PPARD: variants seen among roughly 807,000 people sequenced by gnomAD.
The protein encoded by PPARD is peroxisome proliferator activated receptor delta, also known as peroxisome proliferator-activated receptor delta.
A neutral mutation model predicts 39.5 loss-of-function variants in PPARD; 6 were observed. The observed-to-expected ratio is 0.15, with a 90% CI of 0.08 to 0.30. The LOEUF is 0.30. Ranked by LOEUF, PPARD falls within the 10% of genes least tolerant of loss-of-function variation. PPARD has a pLI of 1.00. For synonymous variants in PPARD, 210 were observed against 231.3 expected (o/e 0.91, Z 0.83); for missense variants, 397 against 596.8 (o/e 0.67, Z 3.49).
At chr6:35,422,577 A>G (rs568966674) in intron 5 of PPARD, among the ~76,000 whole-genome samples, 1 of 152,310 alleles carries the variant, frequency 6.6e-6, no homozygotes, top group African/African-American at 2.4e-5. Flanking sequence ...CCTAGAGGAC[A>G]GGGGAGAGCC....
chr6:35,418,281 G>C (rs1192867324), intron 3 of PPARD, among the ~76,000 whole-genome samples: 1 of 152,224 alleles, frequency 6.6e-6, no homozygotes, highest in East Asian at 1.9e-4. Flanking sequence ...AAGGGTTTCT[G>C]TCATGTTATC....
intron 2 of PPARD, among the ~76,000 whole-genome samples, chr6:35,396,471 T>C (rs1488075508): frequency 1.4e-5 from 2 of 147,600 alleles, no homozygotes; most frequent in African/African-American, 2.5e-5. Context: ...CCCAAAGTGC[T>C]GGGATTACAG....
At chr6:35,356,777 C>T (rs528073618) in intron 2 of PPARD, among the ~76,000 whole-genome samples, 19 of 152,302 alleles carry the variant, frequency 1.2e-4, no homozygotes, top group African/African-American at 4.3e-4. Flanking sequence ...AGTCACTGCT[C>T]TATCATTTAT....
rs995182842 is a variant in PPARD, at chr6:35,425,768, G to A, written c.1079-64G>A. ...CGTCCCCTGGGCCAAGTCACCTCTT[G>A]GGGTGGAAGTAGGGGAGCTCCACTG... On this transcript the variant is annotated intron_variant, in intron 7 of 7. Coordinates refer to ENST00000360694, the MANE Select transcript of PPARD (RefSeq NM_006238.5). This position sits in a 1 kb window ranked among gnomAD's most constrained non-coding sequence, Gnocchi z 4.5. 6.3e-7 allele frequency: 1 copy of A among 1,585,880 alleles called. No individual in the cohort carries two copies. Among genetic ancestry groups the A allele is most frequent in the African/African-American group, 1.3e-5 (1 of 74,590 alleles).
At chr6:35,380,862 T>A (rs796777256) in intron 2 of PPARD, among the ~76,000 whole-genome samples, 6 of 152,258 alleles carry the variant, frequency 3.9e-5, no homozygotes, top group African/African-American at 1.4e-4. Flanking sequence ...GGAGCACACA[T>A]ACATACAAAG....
chr6:35,344,766 A>G (rs964030127), intron 1 of PPARD, among the ~76,000 whole-genome samples: 16 of 152,258 alleles, frequency 1.1e-4, no homozygotes, highest in African/African-American at 3.9e-4. Flanking sequence ...CAGCTTGACC[A>G]GACTTTAAAG....
chr6:35,375,978 A>T (rs1275261518), intron 2 of PPARD, among the ~76,000 whole-genome samples: 1 of 152,194 alleles, frequency 6.6e-6, no homozygotes, highest in East Asian at 1.9e-4. Flanking sequence ...TTCAATTAAT[A>T]TATTTCTCTG....
Position 35,426,914 on chromosome 6 carries a change from C to T in PPARD, c.*835C>T, listed in dbSNP as rs1766613268. On this transcript the variant is annotated 3_prime_UTR_variant, in exon 8 of 8. Coordinates refer to ENST00000360694, the MANE Select transcript of PPARD (RefSeq NM_006238.5). ...TGGCCGCTGGACGGCACTCTCCCAG[C>T]TTGGAAGTAGGCAGGGTTCCCTCCA... 6.6e-6 allele frequency: 1 copy of T among 152,332 alleles called. No individual in the cohort carries two copies. Among genetic ancestry groups the T allele is most frequent in the South Asian group, 2.1e-4 (1 of 4,840 alleles). 9.4% of individuals were successfully genotyped at this position (152,332 alleles called of 1,614,324 possible).
At chr6:35,383,950 C>T (rs1435728823) in intron 2 of PPARD, among the ~76,000 whole-genome samples, 1 of 80,688 alleles carries the variant, frequency 1.2e-5, no homozygotes, top group Non-Finnish European at 2.0e-5. Flanking sequence ...GGGGGGTCAG[C>T]CCCCCCGCCA....
At chr6:35,419,493 C>T (rs763920854) in intron 3 of PPARD, among the ~76,000 whole-genome samples, 29 of 152,206 alleles carry the variant, frequency 1.9e-4, no homozygotes, top group Non-Finnish European at 3.8e-4. Flanking sequence ...TGGAGAAATT[C>T]AGTGTGTTGC....
chr6:35,352,919 T>G (rs1042999675), intron 2 of PPARD, among the ~76,000 whole-genome samples: 2 of 152,178 alleles, frequency 1.3e-5, no homozygotes, highest in African/African-American at 4.8e-5. Context: ...CTCTATTCCC[T>G]TGGTCTCAGG....
At position 35,424,556 on chromosome 6, in the gene PPARD, C is replaced by T. The variant is rs532272274; in HGVS notation, c.855C>T (p.Gly285=). The change falls in exon 7 of 8, where the codon GGC becomes GGT. Residue 285 remains glycine (G), a synonymous_variant. Transcript: ENST00000360694. The surrounding 1 kb of genome is among the most constrained non-coding windows in gnomAD (Gnocchi z 7.1). ...ACCAGGTTACCCTTCTCAAGTATGG[C>T]GTGCACGAGGCCATCTTCGCCATGC... is the stretch of plus-strand genomic sequence containing the variant. ...LNDQVTLLKY[G]VHEAIFAMLA... is the part of the protein sequence containing the mutation. The T allele has an allele frequency of 3.7e-6, 6 of 1,614,238 alleles. No individual in the cohort carries two copies. In the East Asian group the frequency reaches 8.9e-5, roughly 24 times the overall value.
intron 2 of PPARD, chr6:35,348,277 C>G (rs1761010747): frequency 2.3e-6 from 2 of 884,532 alleles, no homozygotes; most frequent in South Asian, 1.0e-4. Flanking sequence ...AAAAACAGAT[C>G]CAATCTCTGC....
intron 2 of PPARD, among the ~76,000 whole-genome samples, chr6:35,350,185 T>C (rs1761152327): frequency 6.6e-6 from 1 of 152,242 alleles, no homozygotes; most frequent in Admixed American, 6.5e-5. Context: ...TTTGCAAATA[T>C]TTTCTCTCAT....
At chr6:35,399,474 G>A (rs1041687239) in intron 2 of PPARD, among the ~76,000 whole-genome samples, 3 of 150,820 alleles carry the variant, frequency 2.0e-5, no homozygotes, top group African/African-American at 7.3e-5. Context: ...GAGATGCCAA[G>A]GCGGGAGGAT....
chr6:35,350,378 T>A (rs1761164575), intron 2 of PPARD, among the ~76,000 whole-genome samples: 1 of 152,194 alleles, frequency 6.6e-6, no homozygotes, highest in Non-Finnish European at 1.5e-5. Flanking sequence ...AGTACTTTCA[T>A]GGTTTGAAGT....
At chr6:35,380,466 T>TTTTG (rs1562190231) in intron 2 of PPARD, among the ~76,000 whole-genome samples, 8 of 121,506 alleles carry the variant, frequency 6.6e-5, no homozygotes, top group Admixed American at 2.4e-4. Context: ...CGTGTTTTTT[T>TTTTG]TTTTTGTTTG....
At chr6:35,353,437 T>C (rs1761380976) in intron 2 of PPARD, among the ~76,000 whole-genome samples, 1 of 152,202 alleles carries the variant, frequency 6.6e-6, no homozygotes, top group Non-Finnish European at 1.5e-5. Flanking sequence ...CCCTACCCCA[T>C]ATCCATTTAG....
intron 2 of PPARD, among the ~76,000 whole-genome samples, chr6:35,374,529 G>A (rs1472192855): frequency 6.6e-6 from 1 of 151,680 alleles, no homozygotes; most frequent in Non-Finnish European, 1.5e-5. Context: ...ATGGTGGCAG[G>A]CACCTGTAGT....
Sources: allele counts gnomAD v4.1 joint callset (sites outside exome capture counted in the v4.1 genomes callset), GRCh38; gene constraint gnomAD v4.1.1; non-coding constraint Gnocchi (gnomAD v3.1); transcripts MANE v1.5; gene names NCBI Gene and HGNC (gene_info 2026-07-23, HGNC 2026-07-21).